RELN: variants seen among roughly 807,000 people sequenced by gnomAD.
RELN encodes the protein reelin.
RELN carries 108 observed loss-of-function variants against 427.6 expected under a neutral mutation model. The observed-to-expected ratio is 0.25, with a 90% CI of 0.22 to 0.30. The LOEUF (loss-of-function observed/expected upper bound fraction) is 0.30, where lower values mean the gene tolerates loss of function less well. Among genes scored for constraint, RELN ranks in the 10% least tolerant of loss-of-function variants. The pLI is 1.00. For missense variants in RELN, 3,715 were observed against 4,302.8 expected (o/e 0.86, Z 3.82); for synonymous variants, 1,524 against 1,513.4 (o/e 1.01, Z -0.16).
rs756449591 is a variant in RELN at position 103,593,796 on chromosome 7, ATTT to A, written c.3795_3797del (p.Lys1265del). Reference sequence around the variant, plus strand: ...ATGGTGTGGCAGCACAGAAGGTTTCATTTTTAACCATTCCTTCATTAGCCAACA... The same window carrying A: ...ATGGTGTGGCAGCACAGAAGGTTTCATTAACCATTCCTTCATTAGCCAACA... On this transcript the variant is annotated inframe_deletion, in exon 27 of 65. Transcript: ENST00000428762. 6.2e-7 allele frequency: 1 copy of A among 1,613,952 alleles called. No individual in the cohort carries two copies.
intron 12 of RELN, among the ~76,000 whole-genome samples, chr7:103,654,853 G>A (rs1042519200): frequency 2.0e-5 from 3 of 152,042 alleles, no homozygotes; most frequent in Non-Finnish European, 4.4e-5. Flanking sequence ...CTTGATGATG[G>A]TACTGAATGA....
chr7:103,671,019 T>C (rs1255053126), intron 11 of RELN, among the ~76,000 whole-genome samples: 1 of 152,106 alleles, frequency 6.6e-6, no homozygotes, highest in Non-Finnish European at 1.5e-5. Context: ...ATATAAATTC[T>C]CTGAGGTTGA....
intron 8 of RELN, among the ~76,000 whole-genome samples, chr7:103,712,739 T>G (rs1562967549): frequency 6.6e-6 from 1 of 152,246 alleles, no homozygotes; most frequent in Non-Finnish European, 1.5e-5. Context: ...GCTTGTGATA[T>G]CTCCATGTTT....
intron 33 of RELN, 38 bp from the exon 34 acceptor site, chr7:103,565,589 T>C: frequency 6.3e-7 from 1 of 1,598,570 alleles, no homozygotes; most frequent in Non-Finnish European, 8.5e-7. Context: ...CATATATGTG[T>C]GCCATTTTCT....
intron 10 of RELN, among the ~76,000 whole-genome samples, chr7:103,693,602 A>C (rs1236213299): frequency 6.6e-6 from 1 of 152,138 alleles, no homozygotes; most frequent in Non-Finnish European, 1.5e-5. Context: ...AAAAGAAAGA[A>C]AATTAGGCTG....
intron 64 of RELN, chr7:103,476,744 G>T (rs1828047954): frequency 5.0e-6 from 2 of 397,730 alleles, no homozygotes; most frequent in East Asian, 6.3e-5. Context: ...TAACAGCATT[G>T]GGAATTAGGG....
rs1830680949 is a variant in RELN, at chr7:103,563,377, T to C, written c.5211-1424A>G. On this transcript the variant is annotated intron_variant, in intron 34 of 64. Coordinates refer to ENST00000428762, the MANE Select transcript of RELN (RefSeq NM_005045.4). The surrounding 1 kb of genome is among the most constrained non-coding windows in gnomAD (Gnocchi z 4.1). ...GGCTAATAATGTGTATTTTTGTGTCTAAGTTTTTAAGAAAGAAGTTTTCAA... is the reference window on the plus strand; with the variant it reads ...GGCTAATAATGTGTATTTTTGTGTCCAAGTTTTTAAGAAAGAAGTTTTCAA... Among the ~76,000 whole-genome samples, 2 of 152,224 alleles carry C rather than the reference T, an allele frequency of 1.3e-5. No homozygotes were observed.
At chr7:103,651,898 T>C in intron 14 of RELN, 109 bp from the exon 15 acceptor site, 1 of 1,156,520 alleles carries the variant, frequency 8.6e-7, no homozygotes, top group South Asian at 1.4e-5. Context: ...AAAAACAGTG[T>C]AAAATTTTTT....
intron 8 of RELN, among the ~76,000 whole-genome samples, chr7:103,708,415 C>T (rs933966933): frequency 6.7e-6 from 1 of 149,664 alleles, no homozygotes; most frequent in Admixed American, 6.7e-5. Flanking sequence ...TTAATACTGA[C>T]ATTTACATAA....
In RELN at chr7:103,988,216, A is replaced by G. The variant is rs568385904; in HGVS notation, c.226+915T>C. On this transcript the variant is annotated intron_variant, in intron 1 of 64. Coordinates refer to ENST00000428762, the MANE Select transcript of RELN (RefSeq NM_005045.4). The surrounding 1 kb of genome is among the most constrained non-coding windows in gnomAD (Gnocchi z 4.9). ...TGTTCAGAAGTCCCAGAAGAAATACAGAAAAGAGACATTTTTTATTTTTCC... is the reference window on the plus strand; with the variant it reads ...TGTTCAGAAGTCCCAGAAGAAATACGGAAAAGAGACATTTTTTATTTTTCC... Among the ~76,000 whole-genome samples the G allele has an allele frequency of 1.6e-4, 24 of 152,372 alleles. No homozygotes were observed. The highest frequency in any genetic ancestry group is 5.3e-4 in the African/African-American group (22 of 41,588).
At chr7:103,798,951 C>G (rs545589299) in intron 3 of RELN, among the ~76,000 whole-genome samples, 2 of 152,168 alleles carry the variant, frequency 1.3e-5, no homozygotes, top group African/African-American at 2.4e-5. Context: ...ATCAGTGACC[C>G]TCGGTCTTTG....
chr7:103,543,273 A>G (rs1233473777), intron 42 of RELN, among the ~76,000 whole-genome samples: 7 of 152,240 alleles, frequency 4.6e-5, no homozygotes, highest in Admixed American at 6.5e-5. Context: ...TAAGGATAGT[A>G]TCAGGCAGGG....
intron 16 of RELN, among the ~76,000 whole-genome samples, chr7:103,643,556 A>T (rs1288303828): frequency 6.6e-6 from 1 of 151,968 alleles, no homozygotes; most frequent in Non-Finnish European, 1.5e-5. Context: ...CCTGGAGTAC[A>T]GCAGCTATTC....
intron 57 of RELN, among the ~76,000 whole-genome samples, chr7:103,492,785 C>CAGAT (rs1167191189): frequency 6.6e-6 from 1 of 152,048 alleles, no homozygotes; most frequent in Non-Finnish European, 1.5e-5. Context: ...AGAAAATAAT[C>CAGAT]AGATAGATAG....
chr7:103,746,608 T>C (rs1271986016), intron 6 of RELN, among the ~76,000 whole-genome samples: 1 of 152,146 alleles, frequency 6.6e-6, no homozygotes, highest in Non-Finnish European at 1.5e-5. Flanking sequence ...GCGAAGGATA[T>C]GAACAGACAC....
At chr7:103,483,614 T>C (rs1346043705) in intron 62 of RELN, 39 bp downstream of exon 62, 4 of 1,590,754 alleles carry the variant, frequency 2.5e-6, no homozygotes, top group Non-Finnish European at 3.5e-6. Context: ...CACAAAGGGA[T>C]TGTGCATGAG....
At chr7:103,954,357 G>T (rs535448456) in intron 1 of RELN, among the ~76,000 whole-genome samples, 1 of 152,332 alleles carries the variant, frequency 6.6e-6, no homozygotes, top group African/African-American at 2.4e-5. Context: ...ATGCTATCGT[G>T]ATAGGCACCT....
intron 6 of RELN, among the ~76,000 whole-genome samples, chr7:103,741,004 G>C (rs1039603708): frequency 1.3e-5 from 2 of 152,302 alleles, no homozygotes; most frequent in East Asian, 3.9e-4. Context: ...CAGTGGCATA[G>C]GGACCATGTT....
chr7:103,772,130 T>A (rs190539547), intron 4 of RELN, among the ~76,000 whole-genome samples: 2 of 152,290 alleles, frequency 1.3e-5, no homozygotes, highest in Admixed American at 6.5e-5. Context: ...CTATTGTAGT[T>A]TAATTGTTTG....
Sources: allele counts gnomAD v4.1 joint callset (sites outside exome capture counted in the v4.1 genomes callset), GRCh38; gene constraint gnomAD v4.1.1; non-coding constraint Gnocchi (gnomAD v3.1); transcripts MANE v1.5; gene names NCBI Gene and HGNC (gene_info 2026-07-23, HGNC 2026-07-21).